The following EFNA2 variants were observed in gnomAD, a reference collection of about 807,000 sequenced individuals.
The protein encoded by EFNA2 is ephrin A2.
EFNA2 carries 18 observed loss-of-function variants against 19.7 expected under a neutral mutation model. That is an observed-to-expected ratio of 0.91 (90% CI 0.63 to 1.35). The LOEUF is 1.35. EFNA2 is among the 40% of genes most tolerant of loss of function. The probability of loss-of-function intolerance (pLI) is 0.00; values close to 1 mark genes in which losing one functional copy is unlikely to be tolerated. For missense variants in EFNA2, 303 were observed against 296.0 expected (o/e 1.02, Z -0.17); for synonymous variants, 187 against 137.8 (o/e 1.36, Z -2.50).
Position 1,300,134 on chromosome 19 carries a change from A to C in EFNA2, c.*189A>C. 1 of 775,496 alleles carries C rather than the reference A, an allele frequency of 1.3e-6. No homozygotes were observed. The highest frequency in any genetic ancestry group is 1.9e-6 in the Non-Finnish European group (1 of 531,100). 48.0% of individuals were successfully genotyped at this position (775,496 alleles called of 1,614,324 possible). A position where few individuals can be genotyped will look rare whatever the true frequency, so the allele number is the denominator to read the frequency against. ...CCAGGACCAGCCCTCAGGGAGGGGA[A>C]ACGGCCGAGAGCCCCCCCCCGGAGG... On this transcript the variant is annotated 3_prime_UTR_variant, in exon 4 of 4. Transcript: ENST00000215368.
chr19:1,290,020 T>G (rs1333718698), intron 1 of EFNA2, among the ~76,000 whole-genome samples: 1 of 151,786 alleles, frequency 6.6e-6, no homozygotes, highest in African/African-American at 2.4e-5. Flanking sequence ...GTGGGGTACC[T>G]GGACTCAGAC....
chr19:1,295,564 G>T lies in EFNA2; in HGVS notation c.160G>T (p.Asp54Tyr). Reference sequence around the variant, plus strand: ...CCGCAGGTTCCACGCAGGCGCGGGGGACGACGGCGGGGGCTACACGGTGGA... The same window carrying T: ...CCGCAGGTTCCACGCAGGCGCGGGGTACGACGGCGGGGGCTACACGGTGGA... ...SNPRFHAGAG[D>Y]DGGGYTVEVS... Residue 54 changes from aspartate (D) to tyrosine (Y), a missense_variant, in exon 2 of 4, where the codon GAC becomes TAC. Coordinates refer to ENST00000215368, the MANE Select transcript of EFNA2 (RefSeq NM_001405.4). This position sits in a 1 kb window ranked among gnomAD's most constrained non-coding sequence, Gnocchi z 5.8. 1.9e-6 allele frequency: 3 copies of T among 1,596,372 alleles called. No homozygotes were observed. The highest frequency in any genetic ancestry group is 2.6e-6 in the Non-Finnish European group (3 of 1,170,772).
chr19:1,292,064 G>A (rs796733047), intron 1 of EFNA2, among the ~76,000 whole-genome samples: 14 of 152,354 alleles, frequency 9.2e-5, no homozygotes, highest in African/African-American at 1.9e-4. Context: ...CTGCCGCTCC[G>A]GGGAGGATTT....
At chr19:1,298,072 C>CAAAAAA (rs58897953) in intron 2 of EFNA2, among the ~76,000 whole-genome samples, 9 of 49,864 alleles carry the variant, frequency 1.8e-4, no homozygotes, top group Middle Eastern at 0.015. Flanking sequence ...AGCTCCATCA[C>CAAAAAA]AAAAAAAAAA....
At chr19:1,290,567 T>C (rs2081486774) in intron 1 of EFNA2, among the ~76,000 whole-genome samples, 1 of 152,124 alleles carries the variant, frequency 6.6e-6, no homozygotes, top group Admixed American at 6.5e-5. Context: ...TGGTAGCGTT[T>C]CTGTGGAGCC....
In EFNA2 at chr19:1,300,717, CCAGA is replaced by C. The variant is rs1230702512; in HGVS notation, c.*775_*778del. Reference sequence around the variant, plus strand: ...CCCCCGTCCTCCTGGTCATTTCCTCCCAGACACTGTTTTGCCCCAGCGCCCTTCG... The same window carrying C: ...CCCCCGTCCTCCTGGTCATTTCCTCCCACTGTTTTGCCCCAGCGCCCTTCG... On this transcript the variant is annotated 3_prime_UTR_variant, in exon 4 of 4. Transcript: ENST00000215368. 2.6e-5 allele frequency among the ~76,000 whole-genome samples: 4 copies of C among 152,150 alleles called. No homozygotes were observed. The highest frequency in any genetic ancestry group is 5.9e-5 in the Non-Finnish European group (4 of 68,010).
rs1467921772 is a variant in EFNA2, at chr19:1,300,094, G to A, written c.*149G>A. On this transcript the variant is annotated 3_prime_UTR_variant, in exon 4 of 4. Transcript: ENST00000215368. ...CCTGGTGCCGCCCCCGCCGGGCAGG[G>A]GCCATCCACCCGCCCCAGGACCAGC... 1.7e-5 allele frequency: 20 copies of A among 1,185,672 alleles called. No individual in the cohort carries two copies. Among genetic ancestry groups the A allele is most frequent in the Non-Finnish European group, 2.2e-5 (19 of 882,920 alleles). 73.4% of individuals were successfully genotyped at this position (1,185,672 alleles called of 1,614,324 possible). A position where few individuals can be genotyped will look rare whatever the true frequency, so the allele number is the denominator to read the frequency against.
Position 1,287,745 on chromosome 19 carries a change from G to A in EFNA2, c.140+1437G>A, listed in dbSNP as rs1231690624. Among the ~76,000 whole-genome samples the A allele has an allele frequency of 6.6e-6, 1 of 152,236 alleles. No homozygotes were observed. Among genetic ancestry groups the A allele is most frequent in the East Asian group, 1.9e-4 (1 of 5,200 alleles). On this transcript the variant is annotated intron_variant, in intron 1 of 3. Transcript: ENST00000215368. The surrounding 1 kb of genome is among the most constrained non-coding windows in gnomAD (Gnocchi z 6.2). ...GCTGGTCACATGTGGGTTTGATTAAGGCTGTCGCTGGCCGTGCGGGGAGTC... is the reference window on the plus strand; with the variant it reads ...GCTGGTCACATGTGGGTTTGATTAAAGCTGTCGCTGGCCGTGCGGGGAGTC...
upstream of EFNA2, among the ~76,000 whole-genome samples, chr19:1,285,581 G>C (rs1356860717): frequency 6.6e-6 from 1 of 152,136 alleles, no homozygotes; most frequent in Non-Finnish European, 1.5e-5. This position sits in a 1 kb window ranked among gnomAD's most constrained non-coding sequence, Gnocchi z 4.1. Flanking sequence ...GCTGGAACCG[G>C]GCAGGTGAGA....
chr19:1,290,610 C>T (rs939693116), intron 1 of EFNA2, among the ~76,000 whole-genome samples: 1 of 152,138 alleles, frequency 6.6e-6, no homozygotes, highest in African/African-American at 2.4e-5. Flanking sequence ...AGGGTCCTGC[C>T]CCGGTGGCCG....
upstream of EFNA2, among the ~76,000 whole-genome samples, chr19:1,285,833 G>C (rs1185911547): frequency 1.4e-5 from 2 of 147,816 alleles, no homozygotes; most frequent in African/African-American, 2.4e-5. This position sits in a 1 kb window ranked among gnomAD's most constrained non-coding sequence, Gnocchi z 4.1. Context: ...GCGGGAGGGG[G>C]CGCCCGCGGC....
rs1352417461 is a variant in EFNA2, at chr19:1,294,656, G to A, written c.141-889G>A. On this transcript the variant is annotated intron_variant, in intron 1 of 3. Transcript: ENST00000215368. This position sits in a 1 kb window ranked among gnomAD's most constrained non-coding sequence, Gnocchi z 5.8. ...CCGAGCTGGGCGGCAGGTGGAACTCGGCAGGCTGAGAGAGAGGGGGCGGTG... is the reference window on the plus strand; with the variant it reads ...CCGAGCTGGGCGGCAGGTGGAACTCAGCAGGCTGAGAGAGAGGGGGCGGTG... Among the ~76,000 whole-genome samples, 2 of 151,704 alleles carry A rather than the reference G, an allele frequency of 1.3e-5. No individual in the cohort carries two copies. The highest frequency in any genetic ancestry group is 4.8e-5 in the African/African-American group (2 of 41,256).
intron 1 of EFNA2, among the ~76,000 whole-genome samples, chr19:1,291,216 C>T (rs568246423): frequency 1.3e-4 from 20 of 152,320 alleles, no homozygotes; most frequent in Admixed American, 5.2e-4. Context: ...CCCACGCCCA[C>T]GGTGACGGAA....
In EFNA2 at chr19:1,287,384, C is replaced by T. The variant is rs2081470279; in HGVS notation, c.140+1076C>T. 6.6e-6 allele frequency among the ~76,000 whole-genome samples: 1 copy of T among 152,074 alleles called. No individual in the cohort carries two copies. The highest frequency in any genetic ancestry group is 2.4e-5 in the African/African-American group (1 of 41,396). ...TGCACATCGGGGGCTGAGGCGGCCC[C>T]CCCCCACTCTTCTGCTACTGGTCAC... On this transcript the variant is annotated intron_variant, in intron 1 of 3. Coordinates refer to ENST00000215368, the MANE Select transcript of EFNA2 (RefSeq NM_001405.4). This position sits in a 1 kb window ranked among gnomAD's most constrained non-coding sequence, Gnocchi z 6.2.
At chr19:1,291,576 C>T (rs2081491661) in intron 1 of EFNA2, among the ~76,000 whole-genome samples, 2 of 152,276 alleles carry the variant, frequency 1.3e-5, no homozygotes, top group African/African-American at 4.8e-5. Context: ...CAGCCTGGGC[C>T]TCCCCGGGAG....
chr19:1,297,901 G>A lies in EFNA2; in HGVS notation c.455-650G>A, dbSNP rs553959901. ...AGCCCGGCCAACATGGTGAAACCCC[G>A]TTTCTACTAAAAATACAAAAATTAG... On this transcript the variant is annotated intron_variant, in intron 2 of 3. Transcript: ENST00000215368. The surrounding 1 kb of genome is among the most constrained non-coding windows in gnomAD (Gnocchi z 5.0). Among the ~76,000 whole-genome samples the A allele has an allele frequency of 4.6e-5, 7 of 151,926 alleles. No homozygotes were observed. Among genetic ancestry groups the A allele is most frequent in the Admixed American group, 2.0e-4 (3 of 15,252 alleles).
Sources: allele counts gnomAD v4.1 joint callset (sites outside exome capture counted in the v4.1 genomes callset), GRCh38; gene constraint gnomAD v4.1.1; non-coding constraint Gnocchi (gnomAD v3.1); transcripts MANE v1.5; gene names NCBI Gene and HGNC (gene_info 2026-07-23, HGNC 2026-07-21).